The following TRRAP variants were observed in gnomAD, a reference collection of about 807,000 sequenced individuals.
TRRAP encodes transformation/transcription domain-associated protein.
TRRAP carries 41 observed loss-of-function variants against 438.8 expected under a neutral mutation model. That is an observed-to-expected ratio of 0.09 (90% CI 0.07 to 0.12). TRRAP has a LOEUF of 0.12. Among genes scored for constraint, TRRAP ranks in the 10% least tolerant of loss-of-function variants. TRRAP has a pLI of 1.00. For synonymous variants in TRRAP, 1,994 were observed against 1,962.9 expected (o/e 1.02, Z -0.42); for missense variants, 3,122 against 5,055.1 (o/e 0.62, Z 11.60).
intron 20 of TRRAP, among the ~76,000 whole-genome samples, chr7:98,918,758 T>G (rs1554409970): frequency 6.6e-6 from 1 of 152,070 alleles, no homozygotes; most frequent in Non-Finnish European, 1.5e-5. Flanking sequence ...TATTTGTTTA[T>G]TAAAGTTCAT....
At chr7:98,886,462 C>T (rs991367969) in intron 3 of TRRAP, among the ~76,000 whole-genome samples, 13 of 149,190 alleles carry the variant, frequency 8.7e-5, no homozygotes, top group African/African-American at 3.2e-4. Flanking sequence ...ATATAGATAT[C>T]TAGAGAGATA....
chr7:98,906,296 AG>A (rs1458030176), intron 13 of TRRAP, 41 bp downstream of exon 13: 2 of 1,552,090 alleles, frequency 1.3e-6, no homozygotes, highest in East Asian at 2.3e-5. Context: ...GTTAAATGCC[AG>A]GAGCATCAGT....
At chr7:98,963,895 A>G (rs1225860638) in intron 47 of TRRAP, among the ~76,000 whole-genome samples, 1 of 152,028 alleles carries the variant, frequency 6.6e-6, no homozygotes, top group Non-Finnish European at 1.5e-5. Flanking sequence ...AGCCTGGCCA[A>G]CATGGTGAAA....
At chr7:98,977,870 T>C (rs935508666) in intron 56 of TRRAP, among the ~76,000 whole-genome samples, 2 of 152,230 alleles carry the variant, frequency 1.3e-5, no homozygotes, top group Non-Finnish European at 2.9e-5. Flanking sequence ...GGAATCCCAC[T>C]GTCTTCTGTC....
intron 23 of TRRAP, among the ~76,000 whole-genome samples, chr7:98,928,689 C>T (rs1473743373): frequency 6.6e-6 from 1 of 152,128 alleles, no homozygotes; most frequent in African/African-American, 2.4e-5. Flanking sequence ...ATGGTCATTC[C>T]CATATTCTGC....
chr7:98,893,344 G>A lies in TRRAP; in HGVS notation c.367-454G>A, dbSNP rs144979785. 2.1e-4 allele frequency among the ~76,000 whole-genome samples: 32 copies of A among 152,316 alleles called. No homozygotes were observed. In the East Asian group the frequency reaches 5.8e-3, roughly 28 times the overall value. On this transcript the variant is annotated intron_variant, in intron 5 of 72. Transcript: ENST00000456197. ...GTCTTGGCTGGGGCGCTTTGTTGCTGTGTCATGTCAGCCACAGTGCTTAAC... is the reference window on the plus strand; with the variant it reads ...GTCTTGGCTGGGGCGCTTTGTTGCTATGTCATGTCAGCCACAGTGCTTAAC...
At position 98,943,781 on chromosome 7, in the gene TRRAP, C is replaced by T. The variant is rs117948878; in HGVS notation, c.4473+764C>T. ...GTGGAATTGCCTTTTCCATGAGTTT[C>T]ATAATCCCAGTGAAACATGACAGCA... On this transcript the variant is annotated intron_variant, in intron 31 of 72. Coordinates refer to ENST00000456197, the MANE Select transcript of TRRAP (RefSeq NM_001375524.1). 4.0e-3 allele frequency among the ~76,000 whole-genome samples: 602 copies of T among 152,312 alleles called. 4 individuals are homozygous for T. The highest frequency in any genetic ancestry group is 4.6e-3 in the Non-Finnish European group (313 of 68,010).
In TRRAP at chr7:98,947,160, T is replaced by C. The variant is rs538823818; in HGVS notation, c.4549-1061T>C. On this transcript the variant is annotated intron_variant, in intron 33 of 72. Coordinates refer to ENST00000456197, the MANE Select transcript of TRRAP (RefSeq NM_001375524.1). The stretch of plus-strand genomic sequence containing the variant: ...GGAACGTGTCCCTCCCTTGTGGCCA[T>C]GGAGAATTCCTTTGAATGACAGGAG... Among the ~76,000 whole-genome samples the C allele has an allele frequency of 2.2e-3, 336 of 152,334 alleles. 1 individual carries two copies. The highest frequency in any genetic ancestry group is 7.7e-3 in the African/African-American group (322 of 41,584).
At chr7:98,968,304 G>A (rs778671388) in intron 51 of TRRAP, among the ~76,000 whole-genome samples, 1 of 152,118 alleles carries the variant, frequency 6.6e-6, no homozygotes, top group Non-Finnish European at 1.5e-5. Context: ...CAGGCATGAG[G>A]CACCATGCCT....
chr7:99,012,218 G>A lies in TRRAP; in HGVS notation c.11485G>A (p.Val3829Ile), dbSNP rs772022111. 17 of 1,613,930 alleles carry A rather than the reference G, an allele frequency of 1.1e-5. No homozygotes were observed. The highest frequency in any genetic ancestry group is 5.0e-5 in the Admixed American group (3 of 60,004). ...QQLVSLVQKA[V>I]TAIMTRLHNL... The stretch of plus-strand genomic sequence containing the variant: ...ACTGGTGTCCCTGGTTCAGAAAGCC[G>A]TCACCGCCATCATGACCCGCCTGCA... Residue 3829 changes from valine (V) to isoleucine (I), a missense_variant, in exon 73 of 73, where the codon GTC becomes ATC. Coordinates refer to ENST00000456197, the MANE Select transcript of TRRAP (RefSeq NM_001375524.1). The surrounding 1 kb of genome is among the most constrained non-coding windows in gnomAD (Gnocchi z 5.9).
intron 10 of TRRAP, 123 bp downstream of exon 10, chr7:98,899,890 G>T (rs182364708): frequency 1.9e-5 from 19 of 990,454 alleles, no homozygotes; most frequent in East Asian, 1.3e-4. Flanking sequence ...TATATGCACT[G>T]TTGACTTTCT....
At position 98,976,046 on chromosome 7, in the gene TRRAP, G is replaced by A. The variant is rs186597034; in HGVS notation, c.7840-103G>A. ...TCTTTGAAACTTTGAAAGTGGAGGA[G>A]CATCGGTAATGTATGAGACAGATCA... On this transcript the variant is annotated intron_variant, in intron 53 of 72. Transcript: ENST00000456197. This position sits in a 1 kb window ranked among gnomAD's most constrained non-coding sequence, Gnocchi z 4.6. The A allele has an allele frequency of 8.9e-5, 123 of 1,381,042 alleles. No homozygotes were observed. In the African/African-American group the frequency reaches 1.4e-3, roughly 16 times the overall value. 85.5% of individuals were successfully genotyped at this position (1,381,042 alleles called of 1,614,324 possible).
At position 98,910,213 on chromosome 7, in the gene TRRAP, T is replaced by TCCCTGC. The variant is rs1797005858; in HGVS notation, c.1512_1517dup (p.Ala505_Pro506dup). On this transcript the variant is annotated inframe_insertion, in exon 15 of 73. Coordinates refer to ENST00000456197, the MANE Select transcript of TRRAP (RefSeq NM_001375524.1). ...GGCCCTGCTCCCTCCCCAGCCCCTG[T>TCCCTGC]CCCTGCCCCACCTCCACCCCCGCCC... 2.0e-6 allele frequency: 3 copies of TCCCTGC among 1,538,428 alleles called. No homozygotes were observed. Among genetic ancestry groups the TCCCTGC allele is most frequent in the Non-Finnish European group, 2.6e-6 (3 of 1,142,718 alleles).
chr7:98,937,892 C>T, intron 30 of TRRAP, 72 bp downstream of exon 30: 1 of 1,444,686 alleles, frequency 6.9e-7, no homozygotes, highest in Non-Finnish European at 9.1e-7. Flanking sequence ...ATAAATAATG[C>T]AGCTGGGCAC....
intron 20 of TRRAP, among the ~76,000 whole-genome samples, chr7:98,920,032 A>G (rs1345490234): frequency 6.6e-6 from 1 of 152,202 alleles, no homozygotes; most frequent in Non-Finnish European, 1.5e-5. Flanking sequence ...CTTTTCTGAC[A>G]ATTATTAAGA....
At chr7:98,906,995 G>A (rs781743833) in intron 13 of TRRAP, among the ~76,000 whole-genome samples, 13 of 150,940 alleles carry the variant, frequency 8.6e-5, no homozygotes, top group South Asian at 2.1e-4. Context: ...ATGTATGTCC[G>A]TATAATCTTT....
At chr7:98,941,458 C>G (rs1358177598) in intron 30 of TRRAP, among the ~76,000 whole-genome samples, 2 of 152,204 alleles carry the variant, frequency 1.3e-5, no homozygotes, top group African/African-American at 4.8e-5. Context: ...GAGTGAGCTA[C>G]CGCGCCTGGC....
intron 18 of TRRAP, 79 bp from the exon 19 acceptor site, chr7:98,915,644 A>G (rs1446649887): frequency 4.7e-6 from 7 of 1,504,332 alleles, no homozygotes; most frequent in Non-Finnish European, 6.2e-6. Flanking sequence ...CTGTCGGATT[A>G]CAGTGACACT....
rs1008672283 is a variant in TRRAP, at chr7:99,011,921, G to C, written c.11338-150G>C. ...CCCAGCGGCTTCCCCAGCCCGTCCT[G>C]AGGGCACACAGCCTGGCCTGGTGCT... On this transcript the variant is annotated intron_variant, in intron 72 of 72. Transcript: ENST00000456197. This position sits in a 1 kb window ranked among gnomAD's most constrained non-coding sequence, Gnocchi z 7.1. 10 of 1,055,524 alleles carry C rather than the reference G, an allele frequency of 9.5e-6. No individual in the cohort carries two copies. In the African/African-American group the frequency reaches 1.1e-4, roughly 12 times the overall value. The allele number at this position is 1,055,524 out of a possible 1,614,324, so 65.4% of individuals were successfully genotyped here. A position where few individuals can be genotyped will look rare whatever the true frequency, so the allele number is the denominator to read the frequency against.
Sources: allele counts gnomAD v4.1 joint callset (sites outside exome capture counted in the v4.1 genomes callset), GRCh38; gene constraint gnomAD v4.1.1; non-coding constraint Gnocchi (gnomAD v3.1); transcripts MANE v1.5; gene names NCBI Gene and HGNC (gene_info 2026-07-23, HGNC 2026-07-21).